The following FAF1 variants were observed in gnomAD, a reference collection of about 807,000 sequenced individuals.
The protein encoded by FAF1 is FAS-associated factor 1.
FAF1 carries 25 observed loss-of-function variants against 92.5 expected under a neutral mutation model. The observed-to-expected ratio is 0.27, with a 90% confidence interval of 0.20 to 0.38. The LOEUF (loss-of-function observed/expected upper bound fraction) is 0.38. Ranked by LOEUF, FAF1 falls within the 10% of genes least tolerant of loss-of-function variation. FAF1 has a pLI of 1.00. For missense variants in FAF1, 636 were observed against 793.3 expected, an observed-to-expected ratio of 0.80 and a Z score of 2.38; for synonymous variants, 234 against 273.2, an observed-to-expected ratio of 0.86 and a Z score of 1.42.
At chr1:50,782,577 C>T (rs1403543787) in intron 4 of FAF1, among the ~76,000 whole-genome samples, 1 of 151,956 alleles carries the variant, frequency 6.6e-6, no homozygotes, top group Non-Finnish European at 1.5e-5. Context: ...GACAAGGTCT[C>T]GTTATGTTAC....
At chr1:50,904,600 C>T (rs1054127820) in intron 1 of FAF1, among the ~76,000 whole-genome samples, 1 of 152,084 alleles carries the variant, frequency 6.6e-6, no homozygotes. Context: ...TCTAGTTGTG[C>T]TGAGATTTTC....
At chr1:50,467,709 G>A (rs551589710) in intron 18 of FAF1, among the ~76,000 whole-genome samples, 5 of 152,192 alleles carry the variant, frequency 3.3e-5, no homozygotes, top group South Asian at 2.1e-4. Context: ...CACAGGCTCC[G>A]CAGTCATATA....
chr1:50,483,896 G>A (rs747488984), intron 17 of FAF1, among the ~76,000 whole-genome samples: 31 of 152,272 alleles, frequency 2.0e-4, no homozygotes, highest in Non-Finnish European at 3.4e-4. Flanking sequence ...GAAAGAGCAG[G>A]TTTGGGTGGG....
At chr1:50,570,393 T>C (rs1277032756) in intron 12 of FAF1, among the ~76,000 whole-genome samples, 1 of 152,212 alleles carries the variant, frequency 6.6e-6, no homozygotes, top group African/African-American at 2.4e-5. Flanking sequence ...GGCACTGCTT[T>C]GTGGTAAGCG....
At chr1:50,566,017 G>A (rs999176900) in intron 13 of FAF1, among the ~76,000 whole-genome samples, 3 of 152,042 alleles carry the variant, frequency 2.0e-5, no homozygotes, top group Non-Finnish European at 2.9e-5. Context: ...ACAAATACAG[G>A]TGCTAAAGAT....
At chr1:50,575,260 T>C (rs537715141) in intron 12 of FAF1, among the ~76,000 whole-genome samples, 9 of 152,292 alleles carry the variant, frequency 5.9e-5, no homozygotes, top group Admixed American at 5.9e-4. Flanking sequence ...TAAGAAATAA[T>C]TTTAATATGG....
At chr1:50,880,963 T>A (rs1644606895) in intron 1 of FAF1, among the ~76,000 whole-genome samples, 1 of 152,186 alleles carries the variant, frequency 6.6e-6, no homozygotes, top group South Asian at 2.1e-4. Context: ...ATGCTTGCTA[T>A]ATAAAAGAAT....
At chr1:50,888,501 T>A (rs1331965617) in intron 1 of FAF1, among the ~76,000 whole-genome samples, 2 of 152,210 alleles carry the variant, frequency 1.3e-5, no homozygotes, top group African/African-American at 4.8e-5. Context: ...AGTATGATAT[T>A]GGCTGTGGGT....
intron 8 of FAF1, among the ~76,000 whole-genome samples, chr1:50,625,060 C>T (rs927906870): frequency 6.6e-6 from 1 of 152,032 alleles, no homozygotes; most frequent in African/African-American, 2.4e-5. Context: ...CACCACCACG[C>T]CCAGCTAATT....
chr1:50,761,683 G>A (rs1471745117), intron 4 of FAF1, among the ~76,000 whole-genome samples: 7 of 152,168 alleles, frequency 4.6e-5, no homozygotes, highest in Non-Finnish European at 7.3e-5. Flanking sequence ...TTGATGGGAC[G>A]TATCTCAAAA....
chr1:50,933,088 T>C lies in FAF1; in HGVS notation c.45+26679A>G, dbSNP rs1645061025. Among the ~76,000 whole-genome samples the C allele has an allele frequency of 3.9e-5, 6 of 152,296 alleles. No individual in the cohort carries two copies. The South Asian group carries it at 1.2e-3, about 32-fold the overall frequency. On this transcript the variant is annotated intron_variant, in intron 1 of 18. Transcript: ENST00000396153. ...TTTTCCTCCTGGGCCTCCGTGCCTA[T>C]GATGAGAGGGGCTGCTGTGAAAGTC...
chr1:50,609,387 T>C (rs1652589711), intron 8 of FAF1, among the ~76,000 whole-genome samples: 1 of 152,026 alleles, frequency 6.6e-6, no homozygotes, highest in Non-Finnish European at 1.5e-5. Context: ...ACTAACTTCA[T>C]CTCTAGTATT....
At chr1:50,894,669 C>A (rs549948179) in intron 1 of FAF1, among the ~76,000 whole-genome samples, 10 of 151,790 alleles carry the variant, frequency 6.6e-5, no homozygotes, top group African/African-American at 2.4e-4. Flanking sequence ...ATATAAAGTA[C>A]CTTCTCTGAC....
intron 15 of FAF1, among the ~76,000 whole-genome samples, chr1:50,527,722 C>T (rs1319905755): frequency 1.3e-5 from 2 of 152,090 alleles, no homozygotes; most frequent in Non-Finnish European, 2.9e-5. Context: ...ATATACTTAT[C>T]ACTCTTCCAT....
chr1:50,445,714 T>C (rs1646220065), intron 18 of FAF1, among the ~76,000 whole-genome samples: 1 of 152,206 alleles, frequency 6.6e-6, no homozygotes, highest in Admixed American at 6.5e-5. Flanking sequence ...TTGGGACTCC[T>C]TGGGGGAGAA....
intron 9 of FAF1, among the ~76,000 whole-genome samples, chr1:50,585,205 C>T (rs1651168381): frequency 6.6e-6 from 1 of 152,158 alleles, no homozygotes; most frequent in African/African-American, 2.4e-5. Flanking sequence ...CAGGTGGAGG[C>T]AATGGTAGCA....
chr1:50,443,122 G>T (rs951061681), intron 18 of FAF1, among the ~76,000 whole-genome samples: 34 of 152,178 alleles, frequency 2.2e-4, no homozygotes, highest in Admixed American at 6.5e-5. Flanking sequence ...TTCTGATATT[G>T]TTCTTAATTA....
At chr1:50,447,488 C>T (rs1646243493) in intron 18 of FAF1, among the ~76,000 whole-genome samples, 2 of 152,190 alleles carry the variant, frequency 1.3e-5, no homozygotes, top group African/African-American at 4.8e-5. Flanking sequence ...GGCAGAAAAG[C>T]TCTTGTTACC....
chr1:50,866,812 A>G (rs1265123391), intron 1 of FAF1, among the ~76,000 whole-genome samples: 2 of 152,172 alleles, frequency 1.3e-5, no homozygotes, highest in African/African-American at 2.4e-5. Flanking sequence ...TACCATCATC[A>G]TTCTTCACAA....
Sources: gnomAD v4.1 joint callset for allele counts (sites outside exome capture counted in the v4.1 genomes callset) on GRCh38, gnomAD v4.1.1 for gene constraint, MANE v1.5 for transcripts, NCBI Gene and HGNC (gene_info 2026-07-23, HGNC 2026-07-21) for gene names.